The following HMX1 variants were observed in gnomAD, a reference collection of about 807,000 sequenced individuals.
HMX1 encodes the protein H6 family homeobox 1.
A neutral mutation model predicts 8.9 loss-of-function variants in HMX1; 8 were observed. The ratio of observed to expected loss-of-function variants is 0.90; its 90% confidence interval spans 0.53 to 1.63. The LOEUF (loss-of-function observed/expected upper bound fraction) is 1.63, where lower values mean the gene tolerates loss of function less well. HMX1 is among the 40% of genes most tolerant of loss of function. The pLI, the probability that HMX1 is intolerant of heterozygous loss-of-function variation, is 0.00. For synonymous variants in HMX1, 311 were observed against 283.4 expected (o/e 1.10, Z -0.98); for missense variants, 621 against 558.5 (o/e 1.11, Z -1.13).
chr4:8,862,887 C>T (rs993970143), downstream of HMX1, among the ~76,000 whole-genome samples: 1 of 152,198 alleles, frequency 6.6e-6, no homozygotes, highest in Non-Finnish European at 1.5e-5. Context: ...GTGCATGACA[C>T]GCAGAGCTTA....
downstream of HMX1, among the ~76,000 whole-genome samples, chr4:8,865,061 T>G (rs1292572099): frequency 6.6e-6 from 1 of 152,176 alleles, no homozygotes; most frequent in East Asian, 1.9e-4. Flanking sequence ...CCCATAGGGC[T>G]CTCACCCTTC....
In HMX1 at chr4:8,867,946, T is replaced by TCGGCTGC; in HGVS notation, c.787_793dup (p.Glu265GlyfsTer117). ...CGGGGACAGGCTGGCCGCCTCCAGCTCGGCTGCCAGCTGCCGCTTCCACTT... is the reference window on the plus strand; with the variant it reads ...CGGGGACAGGCTGGCCGCCTCCAGCTCGGCTGCCGGCTGCCAGCTGCCGCTTCCACTT... On this transcript the variant is annotated frameshift_variant, in exon 2 of 2. Coordinates refer to ENST00000400677, the MANE Select transcript of HMX1 (RefSeq NM_018942.3). LOFTEE classifies it low-confidence loss of function (END_TRUNC). The TCGGCTGC allele has an allele frequency of 6.7e-7, 1 of 1,485,666 alleles. No individual in the cohort carries two copies. Among genetic ancestry groups the TCGGCTGC allele is most frequent in the South Asian group, 1.3e-5 (1 of 78,332 alleles). The allele number at this position is 1,485,666 out of a possible 1,614,324, so 92.0% of individuals were successfully genotyped here. A position where few individuals can be genotyped will look rare whatever the true frequency, so the allele number is the denominator to read the frequency against.
Position 8,868,030 on chromosome 4 carries a change from GC to G in HMX1, c.709del (p.Ala237ProfsTer173). 6.5e-7 allele frequency: 1 copy of G among 1,537,874 alleles called. No individual in the cohort carries two copies. Among genetic ancestry groups the G allele is most frequent in the Non-Finnish European group, 8.7e-7 (1 of 1,143,840 alleles). On this transcript the variant is annotated frameshift_variant, in exon 2 of 2. Coordinates refer to ENST00000400677, the MANE Select transcript of HMX1 (RefSeq NM_018942.3). LOFTEE classifies it low-confidence loss of function (END_TRUNC). The surrounding 1 kb of genome is among the most constrained non-coding windows in gnomAD (Gnocchi z 4.6). ...YLSSAERAGL[A>X]ASLQLTETQV... ...CGTCTCGGTGAGCTGCAGGGAGGCGGCCAGGCCGGCGCGCTCGGCGCTGCTC... is the reference window on the plus strand; with the variant it reads ...CGTCTCGGTGAGCTGCAGGGAGGCGGCAGGCCGGCGCGCTCGGCGCTGCTC...
In HMX1 at chr4:8,868,179, C is replaced by T. The variant is rs575165175; in HGVS notation, c.561G>A (p.Ala187=). 3.3e-6 allele frequency: 5 copies of T among 1,496,228 alleles called. No individual in the cohort carries two copies. Among genetic ancestry groups the T allele is most frequent in the Admixed American group, 4.3e-5 (2 of 46,826 alleles). The allele number at this position is 1,496,228 out of a possible 1,614,324, so 92.7% of individuals were successfully genotyped here. ...EEASELAEVP[A]AAGETRGGVG... ...CGCCGCCGCGTGTCTCCCCAGCCGC[C>T]GCAGGGACCTCGGCCAGCTCCGACG... Residue 187 remains alanine, a synonymous_variant, in exon 2 of 2, where the codon GCG becomes GCA. Coordinates refer to ENST00000400677, the MANE Select transcript of HMX1 (RefSeq NM_018942.3). This position sits in a 1 kb window ranked among gnomAD's most constrained non-coding sequence, Gnocchi z 4.6.
Position 8,871,111 on chromosome 4 carries a change from G to A in HMX1, c.394+110C>T. 8.8e-7 allele frequency: 1 copy of A among 1,139,904 alleles called. No homozygotes were observed. The highest frequency in any genetic ancestry group is 1.1e-6 in the Non-Finnish European group (1 of 898,758). The allele number at this position is 1,139,904 out of a possible 1,614,324, so 70.6% of individuals were successfully genotyped here. ...AGGCCCAGACGCCGTTCCACAGAAGGGAGAGGATGGCCCAGAACGGGCGGC... is the reference window on the plus strand; with the variant it reads ...AGGCCCAGACGCCGTTCCACAGAAGAGAGAGGATGGCCCAGAACGGGCGGC... On this transcript the variant is annotated intron_variant, in intron 1 of 1. Transcript: ENST00000400677. This position sits in a 1 kb window ranked among gnomAD's most constrained non-coding sequence, Gnocchi z 4.8.
chr4:8,856,936 A>G (rs561430090), intron 1 of HMX1, among the ~76,000 whole-genome samples: 23 of 152,218 alleles, frequency 1.5e-4, no homozygotes, highest in African/African-American at 4.8e-4. Flanking sequence ...AAAAATAAAA[A>G]TTAGCCGGGC....
At chr4:8,859,950 T>G (rs149356938) in intron 1 of HMX1, among the ~76,000 whole-genome samples, 10,118 of 152,320 alleles carry the variant, frequency 0.066, 1,119 homozygotes, top group African/African-American at 0.23. Flanking sequence ...GCCACCATGT[T>G]GTTGGGAGCA....
intron 1 of HMX1, among the ~76,000 whole-genome samples, chr4:8,857,347 A>C (rs1721639617): frequency 6.6e-6 from 1 of 152,082 alleles, no homozygotes; most frequent in Admixed American, 6.5e-5. Context: ...CTTCCCCTGG[A>C]GTGGCATTCT....
downstream of HMX1, among the ~76,000 whole-genome samples, chr4:8,866,273 C>T (rs7293257): frequency 0.028 from 4,263 of 152,294 alleles, 194 homozygotes; most frequent in African/African-American, 0.098. Context: ...GCGTATGGCC[C>T]GGCTGCTGCC....
intron 1 of HMX1, chr4:8,846,415 G>T: frequency 1.0e-6 from 1 of 1,003,302 alleles, no homozygotes; most frequent in Non-Finnish European, 1.4e-6. Context: ...CAGCCACATG[G>T]CTCAAAACCC....
chr4:8,855,517 G>T (rs550595498), intron 1 of HMX1, among the ~76,000 whole-genome samples: 1 of 152,292 alleles, frequency 6.6e-6, no homozygotes, highest in South Asian at 2.1e-4. Context: ...TGGGGGTCGA[G>T]GTGAGTGCCC....
chr4:8,857,583 C>A (rs939096556), intron 1 of HMX1, among the ~76,000 whole-genome samples: 1 of 152,152 alleles, frequency 6.6e-6, no homozygotes, highest in African/African-American at 2.4e-5. Context: ...CACCCCCCCG[C>A]CCCCCTGCCT....
Position 8,848,880 on chromosome 4 carries a change from C to T in HMX1, c.395-2556G>A, listed in dbSNP as rs947570484. Among the ~76,000 whole-genome samples the T allele has an allele frequency of 3.3e-5, 5 of 152,224 alleles. No homozygotes were observed. Among genetic ancestry groups the T allele is most frequent in the African/African-American group, 1.2e-4 (5 of 41,460 alleles). Reference sequence around the variant, plus strand: ...GACACTTGGCCATCTGTGCACCGTGCTCAAAGCCTCACCTTCCAACTACAA... The same window carrying T: ...GACACTTGGCCATCTGTGCACCGTGTTCAAAGCCTCACCTTCCAACTACAA... On this transcript the variant is annotated intron_variant, in intron 1 of 1. Transcript: ENST00000506970. The surrounding 1 kb of genome is among the most constrained non-coding windows in gnomAD (Gnocchi z 4.1).
At chr4:8,861,138 A>C (rs1417236014) in intron 1 of HMX1, among the ~76,000 whole-genome samples, 1 of 152,074 alleles carries the variant, frequency 6.6e-6, no homozygotes, top group Non-Finnish European at 1.5e-5. Context: ...GTTCCGTTCC[A>C]TCTAGGTCGG....
intron 1 of HMX1, among the ~76,000 whole-genome samples, chr4:8,852,096 G>T (rs2109454671): frequency 6.6e-6 from 1 of 152,346 alleles, no homozygotes; most frequent in African/African-American, 2.4e-5. Context: ...CCCGGCTCTG[G>T]CTCCAAGGGG....
In HMX1 at chr4:8,867,183, A is replaced by C. The variant is rs1266877665; in HGVS notation, c.*510T>G. ...AACGGACGATGGGACCCACAGGTCC[A>C]GGGTCCTTTCTCCACCAGCACCCGC... On this transcript the variant is annotated 3_prime_UTR_variant, in exon 2 of 2. Coordinates refer to ENST00000400677, the MANE Select transcript of HMX1 (RefSeq NM_018942.3). 1.0e-6 allele frequency: 1 copy of C among 985,312 alleles called. No individual in the cohort carries two copies. The highest frequency in any genetic ancestry group is 1.1e-4 in the East Asian group (1 of 8,840). 61.0% of individuals were successfully genotyped at this position (985,312 alleles called of 1,614,324 possible). A position where few individuals can be genotyped will look rare whatever the true frequency, so the allele number is the denominator to read the frequency against.
At chr4:8,851,590 G>A (rs182462966) in intron 1 of HMX1, among the ~76,000 whole-genome samples, 123 of 152,326 alleles carry the variant, frequency 8.1e-4, no homozygotes, top group African/African-American at 2.7e-3. Flanking sequence ...GCCCACTCAC[G>A]GATCACCAGA....
At chr4:8,865,264 A>G (rs138988928), downstream of HMX1, among the ~76,000 whole-genome samples, 250 of 152,350 alleles carry the variant, frequency 1.6e-3, no homozygotes, top group Middle Eastern at 6.8e-3. Flanking sequence ...GCAGTCGAAT[A>G]AAACAGTTGC....
At chr4:8,865,874 G>T (rs1253285102), downstream of HMX1, among the ~76,000 whole-genome samples, 2 of 152,328 alleles carry the variant, frequency 1.3e-5, no homozygotes, top group Admixed American at 6.5e-5. Flanking sequence ...CAGCGAGGGA[G>T]CCCGGACACA....
Sources: gnomAD v4.1 joint callset for allele counts (sites outside exome capture counted in the v4.1 genomes callset) on GRCh38, gnomAD v4.1.1 for gene constraint, Gnocchi (gnomAD v3.1) non-coding constraint, MANE v1.5 for transcripts, NCBI Gene and HGNC (gene_info 2026-07-23, HGNC 2026-07-21) for gene names.